The following NPAS3 variants were observed in gnomAD, a reference collection of about 807,000 sequenced individuals.
The protein encoded by NPAS3 is neuronal PAS domain-containing protein 3.
A neutral mutation model predicts 73.1 loss-of-function variants in NPAS3; 14 were observed. That is an observed-to-expected ratio of 0.19 (90% CI 0.13 to 0.30). The LOEUF is 0.30. Among genes scored for constraint, NPAS3 ranks in the 10% least tolerant of loss-of-function variants. NPAS3 has a pLI of 1.00. For synonymous variants in NPAS3, 620 were observed against 541.5 expected, an observed-to-expected ratio of 1.14 and a Z score of -2.01; for missense variants, 1,096 against 1,250.0, an observed-to-expected ratio of 0.88 and a Z score of 1.86.
At chr14:33,319,813 T>G (rs71419943) in intron 3 of NPAS3, among the ~76,000 whole-genome samples, 294 of 152,270 alleles carry the variant, frequency 1.9e-3, no homozygotes, top group South Asian at 3.7e-3. Flanking sequence ...CTTGTCACAT[T>G]GACTTATCAG....
intron 2 of NPAS3, among the ~76,000 whole-genome samples, chr14:33,174,820 G>T (rs2045524715): frequency 6.6e-6 from 1 of 152,218 alleles, no homozygotes; most frequent in Admixed American, 6.5e-5. Flanking sequence ...GGAAGAGCCA[G>T]ATGGGAGGAT....
At chr14:33,234,632 A>G (rs1362161011) in intron 3 of NPAS3, among the ~76,000 whole-genome samples, 1 of 152,064 alleles carries the variant, frequency 6.6e-6, no homozygotes, top group Non-Finnish European at 1.5e-5. Flanking sequence ...TGGTGGCTAG[A>G]CCAGAGCACA....
At chr14:33,790,541 C>T (rs1251125571) in intron 9 of NPAS3, among the ~76,000 whole-genome samples, 1 of 151,850 alleles carries the variant, frequency 6.6e-6, no homozygotes, top group East Asian at 1.9e-4. Flanking sequence ...AACTGATTTG[C>T]CAGTATGACT....
intron 2 of NPAS3, among the ~76,000 whole-genome samples, chr14:33,196,479 C>T (rs1334629371): frequency 2.0e-5 from 3 of 152,192 alleles, no homozygotes; most frequent in African/African-American, 7.2e-5. Flanking sequence ...TTGTCACTGA[C>T]ATGTTTCTGT....
At chr14:33,557,293 T>C (rs1263014474) in intron 4 of NPAS3, among the ~76,000 whole-genome samples, 1 of 152,160 alleles carries the variant, frequency 6.6e-6, no homozygotes, top group Non-Finnish European at 1.5e-5. Flanking sequence ...CAAAAGCTGG[T>C]TCCATGGGAA....
chr14:33,616,919 T>C (rs760006484), intron 5 of NPAS3, among the ~76,000 whole-genome samples: 1 of 152,218 alleles, frequency 6.6e-6, no homozygotes, highest in Non-Finnish European at 1.5e-5. Context: ...GAAAATTACA[T>C]GGCAGTTTTA....
intron 2 of NPAS3, among the ~76,000 whole-genome samples, chr14:33,074,839 A>G (rs1006551033): frequency 7.2e-5 from 11 of 152,208 alleles, no homozygotes; most frequent in African/African-American, 2.7e-4. Flanking sequence ...CATATTGAGA[A>G]GAGGTGTTTC....
At chr14:33,586,248 T>TTTTTTTTTTTTTTTTTTTTTGA (rs1271344458) in intron 5 of NPAS3, among the ~76,000 whole-genome samples, 4 of 150,470 alleles carry the variant, frequency 2.7e-5, no homozygotes, top group Non-Finnish European at 5.9e-5. Flanking sequence ...GATGTTTTAT[T>TTTTTTTTTTTTTTTTTTTTTGA]GACTGTTTCA....
chr14:33,662,672 G>A (rs978234797), intron 5 of NPAS3, among the ~76,000 whole-genome samples: 2 of 152,040 alleles, frequency 1.3e-5, no homozygotes, highest in African/African-American at 4.8e-5. Flanking sequence ...CGCGTCCCTT[G>A]TACATTGTAT....
intron 6 of NPAS3, among the ~76,000 whole-genome samples, chr14:33,695,927 C>G (rs565612577): frequency 6.6e-6 from 1 of 152,200 alleles, no homozygotes; most frequent in Non-Finnish European, 1.5e-5. Flanking sequence ...TAGGGGTACC[C>G]TATGTCATTA....
At chr14:32,990,044 G>C (rs2038268446) in intron 1 of NPAS3, among the ~76,000 whole-genome samples, 1 of 152,170 alleles carries the variant, frequency 6.6e-6, no homozygotes, top group South Asian at 2.1e-4. Flanking sequence ...GATAAGCAAA[G>C]GTTGGGTTCT....
At chr14:33,776,527 A>T (rs2062823530) in intron 8 of NPAS3, among the ~76,000 whole-genome samples, 1 of 60,518 alleles carries the variant, frequency 1.7e-5, no homozygotes, top group Admixed American at 1.8e-4. Context: ...CTCTTAAAAA[A>T]AAAAAAAAAA....
rs561065384 is a variant in NPAS3 at position 33,411,931 on chromosome 14, C to G, written c.468+44663C>G. Among the ~76,000 whole-genome samples the G allele has an allele frequency of 4.6e-5, 7 of 152,236 alleles. No individual in the cohort carries two copies. The East Asian group carries it at 9.7e-4, about 21-fold the overall frequency. ...TGTCTGGTACTTTCATGGCAGGCCA[C>G]CAGAGTGGTTATGTCTGTGCCTTAT... On this transcript the variant is annotated intron_variant, in intron 4 of 11. Coordinates refer to ENST00000356141, the Ensembl canonical transcript of NPAS3.
chr14:33,770,859 C>G (rs1226413161), intron 7 of NPAS3, among the ~76,000 whole-genome samples: 1 of 152,180 alleles, frequency 6.6e-6, no homozygotes, highest in African/African-American at 2.4e-5. Context: ...GAGATCACAC[C>G]ACCGCACTCC....
rs10131403 is a variant in NPAS3 at position 33,082,289 on chromosome 14, C to T, written c.140+26295C>T. On this transcript the variant is annotated intron_variant, in intron 2 of 11. Transcript: ENST00000356141. ...GTTGTAAGAAAGGGAGACCTAGCAG[C>T]CGCAAGGCACACACGGCTGGAGTTA... Among the ~76,000 whole-genome samples the T allele has an allele frequency of 1.5e-4, 23 of 152,234 alleles. 1 individual carries two copies. The South Asian group carries it at 4.8e-3, about 32-fold the overall frequency.
intron 6 of NPAS3, among the ~76,000 whole-genome samples, chr14:33,703,085 G>A (rs182136228): frequency 3.0e-4 from 46 of 152,278 alleles, no homozygotes; most frequent in Admixed American, 8.5e-4. Flanking sequence ...TTAGTTGGAG[G>A]TGGGGTGGGG....
At chr14:33,528,017 A>G (rs1018989165) in intron 4 of NPAS3, among the ~76,000 whole-genome samples, 2 of 152,130 alleles carry the variant, frequency 1.3e-5, no homozygotes, top group East Asian at 1.9e-4. Context: ...TTTTATCAGT[A>G]AACCATATAT....
chr14:33,449,208 A>G (rs927328), intron 4 of NPAS3, among the ~76,000 whole-genome samples: 84,022 of 151,996 alleles, frequency 0.55, 25,074 homozygotes, highest in East Asian at 0.72. Flanking sequence ...ATGACTGAGT[A>G]TGTTGAGTCC....
At chr14:33,682,733 C>T (rs1260584279) in intron 6 of NPAS3, among the ~76,000 whole-genome samples, 2 of 152,210 alleles carry the variant, frequency 1.3e-5, no homozygotes, top group East Asian at 3.8e-4. Flanking sequence ...TACTTATCAC[C>T]TTAATTTGTG....
Sources: allele counts gnomAD v4.1 joint callset (sites outside exome capture counted in the v4.1 genomes callset), GRCh38; gene constraint gnomAD v4.1.1; transcripts MANE v1.5; gene names NCBI Gene and HGNC (gene_info 2026-07-23, HGNC 2026-07-21).